The following CEP152 variants were observed in gnomAD, a reference collection of about 807,000 sequenced individuals.
CEP152 encodes centrosomal protein of 152 kDa.
CEP152 carries 132 observed loss-of-function variants against 188.9 expected under a neutral mutation model. That is an observed-to-expected ratio of 0.70 (90% CI 0.61 to 0.81). The LOEUF (loss-of-function observed/expected upper bound fraction) is 0.81. Among genes scored for constraint, CEP152 ranks in the 30% least tolerant of loss-of-function variants. The pLI is 0.00. For missense variants in CEP152, 1,914 were observed against 1,969.8 expected, an observed-to-expected ratio of 0.97 and a Z score of 0.54; for synonymous variants, 649 against 666.6, an observed-to-expected ratio of 0.97 and a Z score of 0.41.
intron 12 of CEP152, among the ~76,000 whole-genome samples, chr15:48,778,167 T>C (rs934197910): frequency 3.3e-5 from 5 of 152,170 alleles, no homozygotes; most frequent in African/African-American, 9.7e-5. Context: ...GAATGTAAAA[T>C]AGAACATTGA....
intron 12 of CEP152, among the ~76,000 whole-genome samples, chr15:48,779,818 T>C (rs571388938): frequency 6.6e-6 from 1 of 152,366 alleles, no homozygotes; most frequent in Admixed American, 6.5e-5. Flanking sequence ...ACATTTTATG[T>C]AAATCTGTCT....
At chr15:48,803,429 GAA>G (rs1171799505) in intron 2 of CEP152, among the ~76,000 whole-genome samples, 1 of 152,142 alleles carries the variant, frequency 6.6e-6, no homozygotes, top group Non-Finnish European at 1.5e-5. Flanking sequence ...GAACAGTTCC[GAA>G]GTTTGTTACT....
chr15:48,781,411 A>T (rs776698847), intron 11 of CEP152, 52 bp from the exon 12 acceptor site: 1 of 1,452,072 alleles, frequency 6.9e-7, no homozygotes, highest in South Asian at 1.2e-5. Flanking sequence ...TATATGAAGT[A>T]ATCAGTCATT....
intron 2 of CEP152, among the ~76,000 whole-genome samples, chr15:48,802,241 T>A (rs1286861370): frequency 6.6e-6 from 1 of 152,204 alleles, no homozygotes; most frequent in East Asian, 1.9e-4. Flanking sequence ...GGGACAGCTT[T>A]ATAAAGAAAA....
chr15:48,745,043 T>C, intron 22 of CEP152, 51 bp from the exon 23 acceptor site: 1 of 1,303,938 alleles, frequency 7.7e-7, no homozygotes, highest in Non-Finnish European at 1.1e-6. Context: ...TTTTTAAGCC[T>C]TCTTTTCCCT....
In CEP152 at chr15:48,756,397, C is replaced by A; in HGVS notation, c.2851G>T (p.Ala951Ser). Residue 951 changes from alanine to serine, a missense_variant, in exon 20 of 27, where the codon GCT becomes TCT. Coordinates refer to ENST00000380950, the MANE Select transcript of CEP152 (RefSeq NM_001194998.2). ...TCACTCCGAGCCTTAGCTAACTCAG[C>A]CCTGATGACCACAGGGACTTCTTCG... The part of the protein sequence containing the change: ...KNEEVPVVIR[A>S]ELAKARSEWN... 1 of 1,611,018 alleles carries A rather than the reference C, an allele frequency of 6.2e-7. No homozygotes were observed. The highest frequency in any genetic ancestry group is 8.5e-7 in the Non-Finnish European group (1 of 1,178,368).
At chr15:48,776,047 A>C (rs1188712532) in intron 12 of CEP152, among the ~76,000 whole-genome samples, 1 of 152,004 alleles carries the variant, frequency 6.6e-6, no homozygotes, top group Non-Finnish European at 1.5e-5. Context: ...GGGAAAAAAA[A>C]AACAGAAAAT....
rs757583921 is a variant in CEP152 at position 48,756,484 on chromosome 15, G to T, written c.2764C>A (p.Leu922Ile). Residue 922 changes from leucine (L) to isoleucine (I), a missense_variant, in exon 20 of 27, where the codon CTT becomes ATT. Physicochemically the swap from Leu to Ile is conservative, Grantham distance 5. Coordinates refer to ENST00000380950, the MANE Select transcript of CEP152 (RefSeq NM_001194998.2). ...SELENMRKNILPGKELEEKIH... is the reference protein window; with the variant it reads ...SELENMRKNIIPGKELEEKIH... The stretch of plus-strand genomic sequence containing the variant: ...TTCTCTTCCAATTCCTTTCCAGGAA[G>T]TATATTTTTCCTCATATTTTCAAGC... 1.9e-6 allele frequency: 3 copies of T among 1,612,704 alleles called. No individual in the cohort carries two copies. The highest frequency in any genetic ancestry group is 2.5e-6 in the Non-Finnish European group (3 of 1,179,874).
rs1200157316 is a variant in CEP152 at position 48,767,354 on chromosome 15, T to C, written c.2128A>G (p.Arg710Gly). The change falls in exon 16 of 27, where the codon AGA becomes GGA. Residue 710 changes from arginine to glycine, a missense_variant. Transcript: ENST00000380950. ...TCTCACCTCAGTTGCAAATGAGTTC[T>C]CTCATAAGCCTCAAAGAGCTGCTGC... ...EKQQLFEAYE[R>G]THLQLRSELD... 6.2e-7 allele frequency: 1 copy of C among 1,614,232 alleles called. No homozygotes were observed.
Position 48,767,804 on chromosome 15 carries a change from T to C in CEP152, c.2019-341A>G, listed in dbSNP as rs113539024. On this transcript the variant is annotated intron_variant, in intron 15 of 26. Transcript: ENST00000380950. The stretch of plus-strand genomic sequence containing the variant: ...GGTGTGGCTCCAAAATTTCAAGTCA[T>C]CTATATTAAACACAAATACTAGCAG... 4.4e-3 allele frequency among the ~76,000 whole-genome samples: 676 copies of C among 152,318 alleles called. 1 individual carries two copies. Among genetic ancestry groups the C allele is most frequent in the African/African-American group, 0.016 (646 of 41,578 alleles).
In CEP152 at chr15:48,738,809, G is replaced by A. The variant is rs758273684; in HGVS notation, c.4573C>T (p.Arg1525Cys). Residue 1525 changes from arginine (R) to cysteine (C), a missense_variant, in exon 27 of 27, where the codon CGC becomes TGC. Coordinates refer to ENST00000380950, the MANE Select transcript of CEP152 (RefSeq NM_001194998.2). ...AAACCAAGTCTTTCATTAGAATCGCGAAAGGTTATATGCATGCATCCTGAT... is the reference window on the plus strand; with the variant it reads ...AAACCAAGTCTTTCATTAGAATCGCAAAAGGTTATATGCATGCATCCTGAT... ...SESGCMHITF[R>C]DSNERLGLKV... 17 of 1,614,010 alleles carry A rather than the reference G, an allele frequency of 1.1e-5. No homozygotes were observed. The highest frequency in any genetic ancestry group is 2.2e-5 in the East Asian group (1 of 44,900).
intron 2 of CEP152, among the ~76,000 whole-genome samples, chr15:48,802,558 T>C (rs578220613): frequency 6.6e-6 from 1 of 152,318 alleles, no homozygotes; most frequent in South Asian, 2.1e-4. Flanking sequence ...GGGCCAACTT[T>C]TACTAATGTA....
intron 1 of CEP152, among the ~76,000 whole-genome samples, chr15:48,809,122 G>C (rs1898178875): frequency 1.3e-5 from 2 of 152,184 alleles, no homozygotes; most frequent in South Asian, 4.1e-4. Context: ...AGCAAAAGTA[G>C]CATTGTTTTT....
intron 17 of CEP152, chr15:48,765,670 G>A (rs1415905599): frequency 1.1e-4 from 8 of 70,106 alleles, no homozygotes; most frequent in Admixed American, 2.4e-4. Flanking sequence ...TTTTTTTTTT[G>A]AGAGACGGAG....
At chr15:48,782,344 A>G (rs1054225697) in intron 10 of CEP152, 114 bp from the exon 11 acceptor site, 5 of 840,846 alleles carry the variant, frequency 5.9e-6, no homozygotes, top group African/African-American at 3.4e-5. Context: ...CTGCTTTACT[A>G]CTACTGTCTC....
intron 7 of CEP152, among the ~76,000 whole-genome samples, chr15:48,792,083 C>G (rs1483318605): frequency 6.6e-6 from 1 of 152,062 alleles, no homozygotes; most frequent in African/African-American, 2.4e-5. Flanking sequence ...AGCTCCGCCT[C>G]CCAGGTTCAC....
At position 48,739,283 on chromosome 15, in the gene CEP152, G is replaced by T. The variant is rs1456023002; in HGVS notation, c.4099C>A (p.Pro1367Thr). 33 of 1,612,686 alleles carry T rather than the reference G, an allele frequency of 2.0e-5. No individual in the cohort carries two copies. The highest frequency in any genetic ancestry group is 2.7e-5 in the Non-Finnish European group (32 of 1,179,794). ...SQSKTTQSALPLTSEMLIAVK... is the reference protein window; with the variant it reads ...SQSKTTQSALTLTSEMLIAVK... ...GCAATCAGCATCTCTGAAGTTAGGG[G>T]CAGTGCTATTATGTGCAAGGAAACA... is the stretch of plus-strand genomic sequence containing the variant. The change falls in exon 27 of 27, where the codon CCC (proline) becomes ACC (threonine). Residue 1367 changes from proline to threonine, a missense_variant. By Grantham distance (38) the Pro-to-Thr change is conservative. Coordinates refer to ENST00000380950, the MANE Select transcript of CEP152 (RefSeq NM_001194998.2).
chr15:48,805,480 G>A, intron 2 of CEP152, 83 bp downstream of exon 2: 1 of 1,495,500 alleles, frequency 6.7e-7, no homozygotes. Context: ...AATGACACAA[G>A]ATGATACAAT....
intron 17 of CEP152, among the ~76,000 whole-genome samples, chr15:48,765,447 C>A (rs888393657): frequency 1.3e-5 from 2 of 151,622 alleles, no homozygotes; most frequent in Non-Finnish European, 2.9e-5. Context: ...GATCAAATAG[C>A]AGTTTAACTT....
Sources: allele counts gnomAD v4.1 joint callset (sites outside exome capture counted in the v4.1 genomes callset), GRCh38; gene constraint gnomAD v4.1.1; transcripts MANE v1.5; gene names NCBI Gene and HGNC (gene_info 2026-07-23, HGNC 2026-07-21).